Variants in VIM observed in about 807,000 individuals in gnomAD.
VIM encodes vimentin.
A neutral mutation model predicts 50.3 loss-of-function variants in VIM; 18 were observed. The ratio of observed to expected loss-of-function variants is 0.36; its 90% CI spans 0.25 to 0.53. The LOEUF is 0.53. VIM is among the 20% of genes least tolerant of loss of function. The pLI is 0.91. For synonymous variants in VIM, 245 were observed against 248.5 expected, an observed-to-expected ratio of 0.99 and a Z score of 0.13; for missense variants, 551 against 614.7, an observed-to-expected ratio of 0.90 and a Z score of 1.10.
chr10:17,230,686 A>G lies in VIM; in HGVS notation c.600A>G (p.Glu200=), dbSNP rs755867026. ...AGATGCTTCAGAGAGAGGAAGCCGA[A>G]AACACCCTGCAATCTTTCAGACAGG... The part of the protein sequence containing the change: ...QEEMLQREEA[E]NTLQSFRQDV... Residue 200 remains glutamate, a synonymous_variant, in exon 3 of 10, where the codon GAA becomes GAG. Coordinates refer to ENST00000544301, the MANE Select transcript of VIM (RefSeq NM_003380.5). 6.2e-7 allele frequency: 1 copy of G among 1,614,192 alleles called. No homozygotes were observed. Among genetic ancestry groups the G allele is most frequent in the South Asian group, 1.1e-5 (1 of 91,082 alleles).
Position 17,237,427 on chromosome 10 carries a change from C to T in VIM, c.*156C>T. ...AAGCTCTAGTTCTTAACAACCGACA[C>T]TCCTACAAGATTTAGAAAAAAGTTT... On this transcript the variant is annotated 3_prime_UTR_variant, in exon 10 of 10. Coordinates refer to ENST00000544301, the MANE Select transcript of VIM (RefSeq NM_003380.5). The T allele has an allele frequency of 1.5e-6, 1 of 677,586 alleles. No homozygotes were observed. 42.0% of individuals were successfully genotyped at this position (677,586 alleles called of 1,614,324 possible). A position where few individuals can be genotyped will look rare whatever the true frequency, so the allele number is the denominator to read the frequency against.
rs758992086 is a variant in VIM, at chr10:17,235,303, T to C, written c.1143T>C (p.Arg381=). 30 of 1,614,108 alleles carry C rather than the reference T, an allele frequency of 1.9e-5. No individual in the cohort carries two copies. The South Asian group carries it at 3.2e-4, about 17-fold the overall frequency. The change falls in exon 7 of 10, where the codon CGT becomes CGC. Residue 381 remains arginine, a synonymous_variant. Coordinates refer to ENST00000544301, the MANE Select transcript of VIM (RefSeq NM_003380.5). The part of the protein sequence containing the change: ...NMKEEMARHL[R]EYQDLLNVKM... ...AGGAGGAAATGGCTCGTCACCTTCG[T>C]GAATACCAAGACCTGCTCAATGTTA...
chr10:17,234,591 C>G, intron 5 of VIM, 102 bp from the exon 6 acceptor site: 1 of 1,554,874 alleles, frequency 6.4e-7, no homozygotes, highest in Non-Finnish European at 8.8e-7. Flanking sequence ...GAAATTTAAA[C>G]CTATACTGGA....
At position 17,230,614 on chromosome 10, in the gene VIM, C is replaced by T. The variant is rs772669938; in HGVS notation, c.564-36C>T. The T allele has an allele frequency of 4.3e-6, 7 of 1,613,186 alleles. 1 individual carries two copies. Among genetic ancestry groups the T allele is most frequent in the South Asian group, 2.2e-5 (2 of 91,060 alleles). ...GTGGCCGCCCCGCCCCTGGCGGTTTCCTCGTTCCCCTTTGGTTAATGCGCA... is the reference window on the plus strand; with the variant it reads ...GTGGCCGCCCCGCCCCTGGCGGTTTTCTCGTTCCCCTTTGGTTAATGCGCA... On this transcript the variant is annotated intron_variant, in intron 2 of 9. Transcript: ENST00000544301.
chr10:17,229,255 A>G, intron 1 of VIM, 21 bp from the exon 2 acceptor site: 1 of 674,174 alleles, frequency 1.5e-6, no homozygotes, highest in Admixed American at 2.8e-5. Context: ...TTATAAAAAC[A>G]GCGCCCTCGG....
chr10:17,235,506 T>G, intron 7 of VIM, 117 bp downstream of exon 7: 1 of 1,126,206 alleles, frequency 8.9e-7, no homozygotes, highest in South Asian at 1.3e-5. Context: ...AGGTAACTGC[T>G]TTCCACTTTT....
At chr10:17,234,620 A>C in intron 5 of VIM, 73 bp from the exon 6 acceptor site, 1 of 1,598,560 alleles carries the variant, frequency 6.3e-7, no homozygotes, top group Non-Finnish European at 8.5e-7. Context: ...AGTGAGAAAT[A>C]TGATTTTTTT....
At chr10:17,235,928 C>T in intron 8 of VIM, 39 bp downstream of exon 8, 1 of 1,570,938 alleles carries the variant, frequency 6.4e-7, no homozygotes, top group Non-Finnish European at 8.8e-7. Context: ...ACGTCAGCTG[C>T]TTGTAACCAC....
chr10:17,230,094 G>C, intron 2 of VIM, 109 bp downstream of exon 2: 8 of 1,347,390 alleles, frequency 5.9e-6, no homozygotes, highest in Admixed American at 2.7e-5. Context: ...GATGTGGCCG[G>C]GGGGAGGCCT....
At chr10:17,236,430 T>C (rs1262116207) in intron 9 of VIM, 51 bp downstream of exon 9, 2 of 1,424,972 alleles carry the variant, frequency 1.4e-6, no homozygotes, top group South Asian at 2.3e-5. Flanking sequence ...GGAGTTGATA[T>C]ATTTTAAAAT....
At chr10:17,230,843 GGGAAGACCACAGGTT>G in intron 3 of VIM, 133 bp downstream of exon 3, 1 of 940,308 alleles carries the variant, frequency 1.1e-6, no homozygotes, top group Non-Finnish European at 1.7e-6. Flanking sequence ...CTCTAGTGGC[GGGAAGACCACAGGTT>G]GGAGCTTCTC....
In VIM at chr10:17,229,224, G is replaced by A. The variant is rs1321998556; in HGVS notation, c.-147-52G>A. Reference sequence around the variant, plus strand: ...CCGCGGCTGGGATGGCAGTGGGAGGGGACCCTCTTTCCTAACGGGGTTATA... The same window carrying A: ...CCGCGGCTGGGATGGCAGTGGGAGGAGACCCTCTTTCCTAACGGGGTTATA... On this transcript the variant is annotated intron_variant, in intron 1 of 9. Coordinates refer to ENST00000544301, the MANE Select transcript of VIM (RefSeq NM_003380.5). 6 of 594,594 alleles carry A rather than the reference G, an allele frequency of 1.0e-5. No individual in the cohort carries two copies. In the Admixed American group the frequency reaches 1.2e-4, roughly 12 times the overall value. 36.8% of individuals were successfully genotyped at this position (594,594 alleles called of 1,614,324 possible). A position where few individuals can be genotyped will look rare whatever the true frequency, so the allele number is the denominator to read the frequency against.
rs1055909361 is a variant in VIM at position 17,234,549 on chromosome 10, A to C, written c.883-144A>C. The C allele has an allele frequency of 6.1e-6, 7 of 1,144,448 alleles. No homozygotes were observed. The African/African-American group carries it at 9.1e-5, about 15-fold the overall frequency. 70.9% of individuals were successfully genotyped at this position (1,144,448 alleles called of 1,614,324 possible). A position where few individuals can be genotyped will look rare whatever the true frequency, so the allele number is the denominator to read the frequency against. On this transcript the variant is annotated intron_variant, in intron 5 of 9. Transcript: ENST00000544301. Reference sequence around the variant, plus strand: ...GAACTCTGAAAATACTAATGTCAGTACTCCACTGCTCTTTCCCTGGCTTTC... The same window carrying C: ...GAACTCTGAAAATACTAATGTCAGTCCTCCACTGCTCTTTCCCTGGCTTTC...
intron 2 of VIM, 33 bp from the exon 3 acceptor site, chr10:17,230,617 C>G (rs778097133): frequency 1.3e-5 from 21 of 1,613,310 alleles, no homozygotes; most frequent in African/African-American, 6.7e-5. Context: ...GCGGTTTCCT[C>G]GTTCCCCTTT....
In VIM at chr10:17,235,796, G is replaced by T. The variant is rs1846877364; in HGVS notation, c.1230-50G>T. The T allele has an allele frequency of 2.6e-6, 4 of 1,560,120 alleles. No homozygotes were observed. In the East Asian group the frequency reaches 9.0e-5, roughly 35 times the overall value. ...AAAGTGTGTTAATTTGTTCCCAGTG[G>T]TTGAAGTTATTTGCCAACAATTTTA... On this transcript the variant is annotated intron_variant, in intron 7 of 9. Transcript: ENST00000544301.
intron 1 of VIM, 132 bp from the exon 2 acceptor site, chr10:17,229,144 A>ACCT: frequency 5.7e-6 from 1 of 176,160 alleles, no homozygotes; most frequent in South Asian, 6.2e-5. Flanking sequence ...GGGCGCCCCC[A>ACCT]CCCCACCCGC....
chr10:17,231,773 G>GTT (rs11349733), intron 3 of VIM, among the ~76,000 whole-genome samples: 134 of 141,672 alleles, frequency 9.5e-4, no homozygotes, highest in African/African-American at 3.2e-3. Flanking sequence ...TTTTGTGCGT[G>GTT]TTTTTTTTTT....
intron 9 of VIM, among the ~76,000 whole-genome samples, 171 bp from the exon 10 acceptor site, chr10:17,237,059 G>A (rs1441324184): frequency 2.6e-5 from 4 of 152,128 alleles, no homozygotes; most frequent in East Asian, 3.8e-4. Flanking sequence ...GTGGAAGAGG[G>A]TCTTGTGTGT....
At chr10:17,235,677 A>G in intron 7 of VIM, 169 bp from the exon 8 acceptor site, 3 of 745,340 alleles carry the variant, frequency 4.0e-6, no homozygotes, top group Non-Finnish European at 6.8e-6. Flanking sequence ...CATATTTTAA[A>G]TGTACTAACA....
Sources: allele counts gnomAD v4.1 joint callset (sites outside exome capture counted in the v4.1 genomes callset), GRCh38; gene constraint gnomAD v4.1.1; transcripts MANE v1.5; gene names NCBI Gene and HGNC (gene_info 2026-07-23, HGNC 2026-07-21).